The following SLC39A10 variants were observed in gnomAD, a reference collection of about 807,000 sequenced individuals.
The protein encoded by SLC39A10 is zinc transporter ZIP10.
A neutral mutation model predicts 65.1 loss-of-function variants in SLC39A10; 13 were observed. The ratio of observed to expected loss-of-function variants is 0.20; its 90% confidence interval spans 0.13 to 0.32. The LOEUF is 0.32. Among genes scored for constraint, SLC39A10 ranks in the 10% least tolerant of loss-of-function variants. The pLI, the probability that SLC39A10 is intolerant of heterozygous loss-of-function variation, is 1.00. For synonymous variants in SLC39A10, 321 were observed against 342.2 expected (o/e 0.94, Z 0.68); for missense variants, 831 against 1,018.4 (o/e 0.82, Z 2.50).
At chr2:195,639,086 G>C in intron 2 of SLC39A10, among the ~76,000 whole-genome samples, 1 of 151,936 alleles carries the variant, frequency 6.6e-6, no homozygotes, top group Middle Eastern at 3.2e-3. Flanking sequence ...CTCCTATGTA[G>C]CTGGGACTAC....
Position 195,716,667 on chromosome 2 carries a change from G to T in SLC39A10, c.1727G>T (p.Arg576Leu). 2 of 1,610,442 alleles carry T rather than the reference G, an allele frequency of 1.2e-6. No individual in the cohort carries two copies. The highest frequency in any genetic ancestry group is 1.7e-6 in the Non-Finnish European group (2 of 1,178,484). Residue 576 changes from arginine (R) to leucine (L), a missense_variant, in exon 7 of 10, where the codon CGA (arginine) becomes CTA (leucine). Arg to Leu is a moderately radical substitution (Grantham distance 102, BLOSUM62 -2). Coordinates refer to ENST00000359634, the MANE Select transcript of SLC39A10 (RefSeq NM_020342.3). ...GTDDSVVSEDRLNETELTDLE... is the reference protein window; with the variant it reads ...GTDDSVVSEDLLNETELTDLE... The stretch of plus-strand genomic sequence containing the variant: ...GATGACTCGGTTGTTTCTGAAGATC[G>T]ACTTAATGAAACTGAACTGACAGAT...
chr2:195,665,016 T>C (rs1689578887), intron 1 of SLC39A10, among the ~76,000 whole-genome samples: 1 of 151,956 alleles, frequency 6.6e-6, no homozygotes, highest in East Asian at 1.9e-4. Flanking sequence ...AACCACCATC[T>C]CGACAAAAAA....
intron 3 of SLC39A10, among the ~76,000 whole-genome samples, chr2:195,691,635 CAT>C (rs1462119174): frequency 2.0e-5 from 3 of 152,094 alleles, no homozygotes; most frequent in South Asian, 2.1e-4. Context: ...ATCATTTTTC[CAT>C]ATGTTTCTTG....
chr2:195,664,368 A>T lies in SLC39A10; in HGVS notation c.-12+7087A>T, dbSNP rs562462805. Among the ~76,000 whole-genome samples the T allele has an allele frequency of 1.5e-3, 217 of 141,578 alleles. 2 individuals carry two copies. Among genetic ancestry groups the T allele is most frequent in the East Asian group, 6.0e-3 (14 of 2,336 alleles). The allele number at this position is 141,578 out of a possible 152,430, so 92.9% of individuals were successfully genotyped here. On this transcript the variant is annotated intron_variant, in intron 1 of 9. Coordinates refer to ENST00000359634, the MANE Select transcript of SLC39A10 (RefSeq NM_020342.3). Reference sequence around the variant, plus strand: ...TATTTTTAATTATAGCTTTTCTTTTAAAAAAAAATAAGAAAATATACACTA... The same window carrying T: ...TATTTTTAATTATAGCTTTTCTTTTTAAAAAAAATAAGAAAATATACACTA...
intron 1 of SLC39A10, among the ~76,000 whole-genome samples, chr2:195,666,674 A>T (rs565161370): frequency 1.3e-5 from 2 of 152,254 alleles, no homozygotes; most frequent in African/African-American, 4.8e-5. Context: ...GTTGCTCAGG[A>T]TGCTCTCAAA....
intron 1 of SLC39A10, among the ~76,000 whole-genome samples, chr2:195,662,390 T>G (rs774621210): frequency 2.0e-5 from 3 of 151,858 alleles, no homozygotes; most frequent in Non-Finnish European, 1.5e-5. Flanking sequence ...TACCTCATCC[T>G]TCCTAGTAGC....
In SLC39A10 at chr2:195,680,015, T is replaced by C. The variant is rs1480353449; in HGVS notation, c.-11-17T>C. The C allele has an allele frequency of 5.8e-6, 9 of 1,544,858 alleles. No individual in the cohort carries two copies. The highest frequency in any genetic ancestry group is 7.8e-6 in the Non-Finnish European group (9 of 1,149,984). On this transcript the variant is annotated splice_polypyrimidine_tract_variant and intron_variant, in intron 1 of 9. Transcript: ENST00000359634. Reference sequence around the variant, plus strand: ...AGGTAGAAACTAATACTTGTCTCTCTCTTTAAATCTCTTTAGGAAAAATAG... The same window carrying C: ...AGGTAGAAACTAATACTTGTCTCTCCCTTTAAATCTCTTTAGGAAAAATAG...
chr2:195,664,387 T>C (rs954269063), intron 1 of SLC39A10, among the ~76,000 whole-genome samples: 1 of 151,962 alleles, frequency 6.6e-6, no homozygotes, highest in Non-Finnish European at 1.5e-5. Context: ...TAAGAAAATA[T>C]ACACTAAAAT....
intron 2 of SLC39A10, among the ~76,000 whole-genome samples, chr2:195,622,092 G>A (rs13419509): frequency 0.039 from 5,998 of 152,204 alleles, 288 homozygotes; most frequent in African/African-American, 0.1. Flanking sequence ...AGGGCTGGGG[G>A]CCGTGGTTTA....
At chr2:195,649,614 T>G (rs1688991653) in intron 2 of SLC39A10, among the ~76,000 whole-genome samples, 1 of 152,260 alleles carries the variant, frequency 6.6e-6, no homozygotes, top group African/African-American at 2.4e-5. Flanking sequence ...CGTGGTAACT[T>G]ATTGTTAATT....
intron 3 of SLC39A10, among the ~76,000 whole-genome samples, chr2:195,692,180 C>G (rs1690770721): frequency 6.6e-6 from 1 of 152,104 alleles, no homozygotes. Flanking sequence ...TTTCTGGTTT[C>G]TCTATTCTGT....
intron 2 of SLC39A10, among the ~76,000 whole-genome samples, chr2:195,646,781 A>G (rs1218728967): frequency 1.3e-5 from 2 of 152,218 alleles, no homozygotes; most frequent in Non-Finnish European, 2.9e-5. Context: ...TCATGGGAGC[A>G]CGAACCCTAT....
intron 2 of SLC39A10, among the ~76,000 whole-genome samples, chr2:195,651,078 ATG>A (rs1370099090): frequency 2.0e-5 from 3 of 149,642 alleles, no homozygotes; most frequent in East Asian, 2.0e-4. Context: ...CTCAAAAAAA[ATG>A]TTTTTTTTTT....
chr2:195,682,361 A>G (rs1690356295), intron 2 of SLC39A10, among the ~76,000 whole-genome samples: 1 of 152,074 alleles, frequency 6.6e-6, no homozygotes, highest in Admixed American at 6.6e-5. Flanking sequence ...ATCATCAGCT[A>G]TTTGGTTTTC....
chr2:195,679,948 G>C, intron 1 of SLC39A10, 84 bp from the exon 2 acceptor site: 8 of 1,190,746 alleles, frequency 6.7e-6, no homozygotes, highest in Non-Finnish European at 9.1e-6. Flanking sequence ...TTTTTTAGTG[G>C]ATTGGCAACT....
In SLC39A10 at chr2:195,716,718, C is replaced by G; in HGVS notation, c.1778C>G (p.Pro593Arg). The change falls in exon 7 of 10, where the codon CCT becomes CGT. Residue 593 changes from proline (P) to arginine (R), a missense_variant. By Grantham distance (103) the Pro-to-Arg change is moderately radical. Transcript: ENST00000359634. The stretch of plus-strand genomic sequence containing the variant: ...TTAGAAGGCCAACAAGAATCCCCTC[C>G]TAAAAATTACCTTTGTATAGAAGAG... ...TDLEGQQESP[P>R]KNYLCIEEEK... 6.2e-7 allele frequency: 1 copy of G among 1,614,122 alleles called. No homozygotes were observed. The highest frequency in any genetic ancestry group is 1.3e-5 in the African/African-American group (1 of 75,048).
intron 2 of SLC39A10, among the ~76,000 whole-genome samples, chr2:195,644,991 C>T (rs960213178): frequency 6.6e-5 from 10 of 151,776 alleles, no homozygotes; most frequent in Admixed American, 4.6e-4. Context: ...CTCACCGCAA[C>T]CTCTGCCTCC....
intron 7 of SLC39A10, among the ~76,000 whole-genome samples, chr2:195,717,801 A>G (rs1691874656): frequency 6.6e-6 from 1 of 152,178 alleles, no homozygotes; most frequent in Non-Finnish European, 1.5e-5. Context: ...AGTCCTCAAT[A>G]CTACCAGACA....
intron 1 of SLC39A10, among the ~76,000 whole-genome samples, chr2:195,664,790 A>G (rs534127821): frequency 2.5e-4 from 38 of 152,296 alleles, no homozygotes; most frequent in African/African-American, 8.7e-4. Context: ...AAAGTGTTAA[A>G]GTTTTTATAG....
Sources: gnomAD v4.1 joint callset for allele counts (sites outside exome capture counted in the v4.1 genomes callset) on GRCh38, gnomAD v4.1.1 for gene constraint, MANE v1.5 for transcripts, NCBI Gene and HGNC (gene_info 2026-07-23, HGNC 2026-07-21) for gene names.